The following TDRD9 variants were observed in gnomAD, a reference collection of about 807,000 sequenced individuals.
The protein encoded by TDRD9 is ATP-dependent RNA helicase TDRD9.
Under a neutral mutation model 172.6 loss-of-function variants are expected in TDRD9, and 124 were observed. That is an observed-to-expected ratio of 0.72 (90% confidence interval 0.62 to 0.83). The LOEUF (loss-of-function observed/expected upper bound fraction) is 0.83, where lower values mean the gene tolerates loss of function less well. Among genes scored for constraint, TDRD9 ranks in the 40% least tolerant of loss-of-function variants. The probability of loss-of-function intolerance (pLI) is 0.00; values close to 1 mark genes in which losing one functional copy is unlikely to be tolerated. For missense variants in TDRD9, 1,479 were observed against 1,714.1 expected (o/e 0.86, Z 2.42); for synonymous variants, 619 against 617.1 (o/e 1.00, Z -0.05).
intron 23 of TDRD9, among the ~76,000 whole-genome samples, chr14:104,018,575 G>A (rs1020985687): frequency 6.6e-6 from 1 of 152,176 alleles, no homozygotes; most frequent in African/African-American, 2.4e-5. Flanking sequence ...AAAATAGAGT[G>A]TATCTGCTTA....
intron 2 of TDRD9, among the ~76,000 whole-genome samples, chr14:103,957,701 G>A (rs1428505520): frequency 1.3e-5 from 2 of 152,160 alleles, no homozygotes; most frequent in Non-Finnish European, 2.9e-5. Context: ...TGTTTGGAAA[G>A]CACATTAGTT....
Position 104,049,653 on chromosome 14 carries a change from G to T in TDRD9, c.4020G>T (p.Trp1340Cys), listed in dbSNP as rs764643824. 6.3e-7 allele frequency: 1 copy of T among 1,590,384 alleles called. No individual in the cohort carries two copies. The highest frequency in any genetic ancestry group is 2.3e-5 in the East Asian group (1 of 43,668). ...SKPREKIVPKWHEKPYEWNQV... is the reference protein window; with the variant it reads ...SKPREKIVPKCHEKPYEWNQV... The stretch of plus-strand genomic sequence containing the variant: ...CAAGGGAGAAGATTGTTCCCAAGTG[G>T]CATGAAAAGCCCTACGAGTGGAATC... The change falls in exon 35 of 36, where the codon TGG becomes TGT. Residue 1340 changes from tryptophan (W) to cysteine (C), a missense_variant. Physicochemically the swap from Trp to Cys is radical, Grantham distance 215 (BLOSUM62 -2). Around this residue, in one of 3 missense-constraint regions of TDRD9, gnomAD observed 1,413 missense variants for 1,649.1 expected, o/e 0.86. Coordinates refer to ENST00000409874, the MANE Select transcript of TDRD9 (RefSeq NM_153046.3).
intron 6 of TDRD9, among the ~76,000 whole-genome samples, chr14:103,974,252 A>G (rs1394228096): frequency 6.6e-6 from 1 of 152,156 alleles, no homozygotes; most frequent in Non-Finnish European, 1.5e-5. Flanking sequence ...AGATACCTCT[A>G]CTTGCGATGT....
chr14:104,045,020 G>A (rs2035724453), intron 34 of TDRD9, among the ~76,000 whole-genome samples: 2 of 152,140 alleles, frequency 1.3e-5, no homozygotes, highest in Admixed American at 1.3e-4. Context: ...ACACACGCCT[G>A]TAATCCCAGC....
intron 20 of TDRD9, among the ~76,000 whole-genome samples, chr14:104,011,914 T>TA (rs973389759): frequency 5.4e-4 from 79 of 146,604 alleles, no homozygotes; most frequent in African/African-American, 1.1e-3. Context: ...CAGCAAAGGT[T>TA]AAAAAAAAAA....
At chr14:103,968,246 G>A (rs2032841177) in intron 5 of TDRD9, among the ~76,000 whole-genome samples, 2 of 152,216 alleles carry the variant, frequency 1.3e-5, no homozygotes, top group African/African-American at 2.4e-5. Flanking sequence ...AGACCATCGC[G>A]CCATCACGGC....
intron 13 of TDRD9, among the ~76,000 whole-genome samples, chr14:104,002,981 G>A (rs1323193267): frequency 1.3e-5 from 2 of 151,894 alleles, no homozygotes; most frequent in Non-Finnish European, 2.9e-5. Flanking sequence ...TGCCCGCCTC[G>A]GCCTCCCAAA....
chr14:103,944,071 T>TA (rs1455725302), intron 1 of TDRD9, among the ~76,000 whole-genome samples: 2 of 152,240 alleles, frequency 1.3e-5, no homozygotes, highest in Non-Finnish European at 2.9e-5. Flanking sequence ...ACCTCCTTGT[T>TA]ACTGCATAAA....
At chr14:103,937,082 T>C (rs931978122) in intron 1 of TDRD9, among the ~76,000 whole-genome samples, 16 of 152,332 alleles carry the variant, frequency 1.1e-4, no homozygotes, top group African/African-American at 3.4e-4. Flanking sequence ...AGCAAGAGCC[T>C]GTCTCTTTAA....
chr14:104,026,824 G>A lies in TDRD9; in HGVS notation c.3167G>A (p.Ser1056Asn). Residue 1056 changes from serine to asparagine, a missense_variant, in exon 28 of 36, where the codon AGC becomes AAC. Transcript: ENST00000409874. Reference sequence around the variant, plus strand: ...GTGAAGGTCTTCTCTGTGGTGCACAGCGTCCTGCACGTGGATGTGTACCAG... The same window carrying A: ...GTGAAGGTCTTCTCTGTGGTGCACAACGTCCTGCACGTGGATGTGTACCAG... ...LLVKVFSVVH[S>N]VLHVDVYQYS... 1 of 1,614,072 alleles carries A rather than the reference G, an allele frequency of 6.2e-7. No homozygotes were observed. Among genetic ancestry groups the A allele is most frequent in the Non-Finnish European group, 8.5e-7 (1 of 1,179,896 alleles).
rs550301016 is a variant in TDRD9, at chr14:104,038,004, A to G, written c.3717-2192A>G. Among the ~76,000 whole-genome samples the G allele has an allele frequency of 7.2e-5, 11 of 152,328 alleles. 1 individual carries two copies. In the South Asian group the frequency reaches 2.3e-3, roughly 32 times the overall value. Reference sequence around the variant, plus strand: ...GGTAGCAGAGCCTGGCACCTCCAGGATGGGAGCAGACATCTGAGAACACGC... The same window carrying G: ...GGTAGCAGAGCCTGGCACCTCCAGGGTGGGAGCAGACATCTGAGAACACGC... On this transcript the variant is annotated intron_variant, in intron 32 of 35. Transcript: ENST00000409874.
chr14:103,965,199 G>A (rs2032681643), intron 3 of TDRD9, 134 bp from the exon 4 acceptor site: 3 of 911,296 alleles, frequency 3.3e-6, no homozygotes, highest in African/African-American at 1.7e-5. Flanking sequence ...GCAACAGAGC[G>A]AGACTCCATC....
intron 12 of TDRD9, 85 bp downstream of exon 12, chr14:103,995,892 C>T: frequency 8.1e-7 from 1 of 1,241,388 alleles, no homozygotes; most frequent in Non-Finnish European, 1.1e-6. Context: ...AATTGTTCTT[C>T]TCTTCCTTCC....
At position 104,008,004 on chromosome 14, in the gene TDRD9, C is replaced by T. The variant is rs533666345; in HGVS notation, c.2053-409C>T. On this transcript the variant is annotated intron_variant, in intron 19 of 35. Coordinates refer to ENST00000409874, the MANE Select transcript of TDRD9 (RefSeq NM_153046.3). ...CTGTGTTAGCTAGGGTGGTCTCGAT[C>T]TCCTGACCTTGTGATCTGCCCGCCT... Among the ~76,000 whole-genome samples the T allele has an allele frequency of 6.6e-5, 10 of 152,284 alleles. No individual in the cohort carries two copies. The South Asian group carries it at 1.7e-3, about 25-fold the overall frequency.
intron 2 of TDRD9, among the ~76,000 whole-genome samples, chr14:103,962,804 C>T (rs2032567156): frequency 6.6e-6 from 1 of 152,188 alleles, no homozygotes; most frequent in Non-Finnish European, 1.5e-5. Context: ...CTGCAAAGGA[C>T]ATGATTTCAT....
At chr14:103,967,462 T>C (rs1186098219) in intron 5 of TDRD9, among the ~76,000 whole-genome samples, 3 of 149,682 alleles carry the variant, frequency 2.0e-5, no homozygotes, top group Non-Finnish European at 4.4e-5. Flanking sequence ...GAGATGGAGG[T>C]TGCAGTGAGC....
intron 2 of TDRD9, among the ~76,000 whole-genome samples, chr14:103,957,944 C>A (rs905152061): frequency 3.3e-5 from 5 of 152,174 alleles, no homozygotes; most frequent in South Asian, 2.1e-4. Flanking sequence ...TGCATGGTAT[C>A]ATAATATATT....
chr14:103,969,868 G>T (rs1010422483), intron 5 of TDRD9, among the ~76,000 whole-genome samples: 1 of 152,104 alleles, frequency 6.6e-6, no homozygotes, highest in Non-Finnish European at 1.5e-5. Flanking sequence ...TGACTGTGAG[G>T]TCTCTGTCTG....
At chr14:104,048,891 A>G (rs994071712) in intron 34 of TDRD9, among the ~76,000 whole-genome samples, 4 of 152,144 alleles carry the variant, frequency 2.6e-5, no homozygotes, top group African/African-American at 9.7e-5. Context: ...GATCCAGATC[A>G]CATAGCCTTT....
Sources: gnomAD v4.1 joint callset for allele counts (sites outside exome capture counted in the v4.1 genomes callset) on GRCh38, gnomAD v4.1.1 for gene constraint, gnomAD v4.1.1 regional missense constraint, MANE v1.5 for transcripts, NCBI Gene and HGNC (gene_info 2026-07-23, HGNC 2026-07-21) for gene names.